MYO9B: variants seen among roughly 807,000 people sequenced by gnomAD.
The protein encoded by MYO9B is myosin IXB, also known as unconventional myosin-IXb.
A neutral mutation model predicts 229.5 loss-of-function variants in MYO9B; 71 were observed. The observed-to-expected ratio is 0.31, with a 90% CI of 0.26 to 0.38. The LOEUF is 0.38. Among genes scored for constraint, MYO9B ranks in the 10% least tolerant of loss-of-function variants. The pLI, the probability that MYO9B is intolerant of heterozygous loss-of-function variation, is 1.00. For missense variants in MYO9B, 2,255 were observed against 2,920.5 expected, an observed-to-expected ratio of 0.77 and a Z score of 5.25; for synonymous variants, 1,185 against 1,235.8, an observed-to-expected ratio of 0.96 and a Z score of 0.86.
chr19:17,098,048 C>G (rs1008800991), intron 1 of MYO9B, among the ~76,000 whole-genome samples: 5 of 12,902 alleles, frequency 3.9e-4, no homozygotes, highest in East Asian at 2.3e-3. Context: ...CTTCAGAACC[C>G]CCCCCCCCCA....
In MYO9B at chr19:17,121,052, C is replaced by T. The variant is rs536214746; in HGVS notation, c.840+18495C>T. On this transcript the variant is annotated intron_variant, in intron 2 of 39. Transcript: ENST00000682292. ...CCACCTCCCGGACTCAAGCGATCCT[C>T]CCACCTTAGCCTCCCAAGTAGCTGG... Among the ~76,000 whole-genome samples the T allele has an allele frequency of 2.0e-5, 3 of 152,316 alleles. No homozygotes were observed. In the East Asian group the frequency reaches 5.8e-4, roughly 29 times the overall value.
intron 7 of MYO9B, among the ~76,000 whole-genome samples, chr19:17,158,279 A>C (rs2072558875): frequency 6.6e-6 from 1 of 152,148 alleles, no homozygotes; most frequent in South Asian, 2.1e-4. Flanking sequence ...TATTTAGAGA[A>C]AGCCCCTGCC....
intron 16 of MYO9B, 26 bp downstream of exon 16, chr19:17,183,894 G>T: frequency 6.5e-7 from 1 of 1,548,848 alleles, no homozygotes; most frequent in Non-Finnish European, 8.7e-7. Context: ...CACCCCGCGC[G>T]ACACGTTCCA....
intron 1 of MYO9B, 89 bp downstream of exon 1, chr19:17,075,963 T>C (rs2057477586): frequency 6.9e-6 from 1 of 144,286 alleles, no homozygotes; most frequent in Admixed American, 6.8e-5. Context: ...TGAGGGCTGA[T>C]GGGGGACGCG....
At chr19:17,203,026 C>A in intron 29 of MYO9B, 121 bp from the exon 30 acceptor site, 1 of 1,353,670 alleles carries the variant, frequency 7.4e-7, no homozygotes, top group Non-Finnish European at 1.0e-6. Context: ...TTTCCCCCGG[C>A]ATATACGGAG....
intron 34 of MYO9B, 108 bp from the exon 35 acceptor site, chr19:17,207,005 C>A: frequency 2.1e-6 from 3 of 1,445,308 alleles, no homozygotes; most frequent in Non-Finnish European, 2.8e-6. Context: ...TGGGCTGTGG[C>A]ACTGCTTTCC....
At position 17,156,895 on chromosome 19, in the gene MYO9B, C is replaced by T. The variant is rs745352563; in HGVS notation, c.1200-14C>T. 54 of 1,609,816 alleles carry T rather than the reference C, an allele frequency of 3.4e-5. No homozygotes were observed. Among genetic ancestry groups the T allele is most frequent in the Non-Finnish European group, 4.5e-5 (53 of 1,178,372 alleles). On this transcript the variant is annotated splice_polypyrimidine_tract_variant and intron_variant, in intron 6 of 39. Coordinates refer to ENST00000682292, the MANE Select transcript of MYO9B (RefSeq NM_004145.4). The stretch of plus-strand genomic sequence containing the variant: ...GTAGAAACTACCCAAATATGAGTGC[C>T]TTTTCTTTCCCAGGATTTTTGCCGT...
At chr19:17,149,804 T>C (rs2072457006) in intron 3 of MYO9B, among the ~76,000 whole-genome samples, 1 of 152,208 alleles carries the variant, frequency 6.6e-6, no homozygotes, top group Non-Finnish European at 1.5e-5. Flanking sequence ...ACCCCTTTTT[T>C]AGGCCCAGGC....
In MYO9B at chr19:17,176,316, G is replaced by A. The variant is rs188784545; in HGVS notation, c.2219+575G>A. Among the ~76,000 whole-genome samples the A allele has an allele frequency of 6.6e-3, 1,002 of 152,186 alleles. 7 individuals are homozygous for A. Among genetic ancestry groups the A allele is most frequent in the African/African-American group, 0.022 (916 of 41,474 alleles). The stretch of plus-strand genomic sequence containing the variant: ...CTCCCAAAGTGCTGGGATTACAGGC[G>A]TGAGCCACTGCACCCTGCCTAATTT... On this transcript the variant is annotated intron_variant, in intron 14 of 39. Coordinates refer to ENST00000682292, the MANE Select transcript of MYO9B (RefSeq NM_004145.4).
chr19:17,165,830 A>G (rs2145330683), intron 10 of MYO9B, among the ~76,000 whole-genome samples: 1 of 152,326 alleles, frequency 6.6e-6, no homozygotes, highest in South Asian at 2.1e-4. Context: ...GCTCTGGAAC[A>G]GGGGCCAGCA....
At chr19:17,094,957 G>C (rs1377263649) in intron 1 of MYO9B, among the ~76,000 whole-genome samples, 1 of 151,966 alleles carries the variant, frequency 6.6e-6, no homozygotes, top group Non-Finnish European at 1.5e-5. Flanking sequence ...ATAAAAATTT[G>C]GCCAGGCGCA....
intron 2 of MYO9B, among the ~76,000 whole-genome samples, chr19:17,104,475 A>G (rs1008753584): frequency 1.3e-5 from 2 of 152,198 alleles, no homozygotes; most frequent in Admixed American, 6.5e-5. Context: ...ATTGTAGGAC[A>G]AGGTGCATCC....
chr19:17,127,714 G>A (rs73928484), intron 2 of MYO9B, among the ~76,000 whole-genome samples: 5,037 of 152,304 alleles, frequency 0.033, 278 homozygotes, highest in African/African-American at 0.11. Flanking sequence ...GCAGACCCCC[G>A]GTAGAGATCA....
At chr19:17,201,020 C>G (rs372251993) in intron 26 of MYO9B, among the ~76,000 whole-genome samples, 191 bp downstream of exon 26, 5 of 152,218 alleles carry the variant, frequency 3.3e-5, no homozygotes, top group African/African-American at 7.2e-5. Context: ...AGGAGAATCA[C>G]TTGGGCCCAG....
Position 17,191,165 on chromosome 19 carries a change from C to T in MYO9B, c.2757C>T (p.Thr919=). 4 of 1,612,512 alleles carry T rather than the reference C, an allele frequency of 2.5e-6. No individual in the cohort carries two copies. In the South Asian group the frequency reaches 3.3e-5, roughly 13 times the overall value. Residue 919 remains threonine (T), a synonymous_variant, in exon 20 of 40, where the codon ACC becomes ACT. Transcript: ENST00000682292. Reference sequence around the variant, plus strand: ...AGCCCTGCAGGGAGGTCATCTCCACCCTCCTGGAGAAAATGAAGATAGACA... The same window carrying T: ...AGCCCTGCAGGGAGGTCATCTCCACTCTCCTGGAGAAAATGAAGATAGACA... ...DAQPCREVIS[T]LLEKMKIDKR...
At chr19:17,122,288 C>T (rs922768193) in intron 2 of MYO9B, among the ~76,000 whole-genome samples, 3 of 152,180 alleles carry the variant, frequency 2.0e-5, no homozygotes, top group Non-Finnish European at 2.9e-5. Flanking sequence ...CCTGTAATCC[C>T]AGCACTTTGG....
intron 13 of MYO9B, among the ~76,000 whole-genome samples, chr19:17,173,292 CTTT>C (rs748043333): frequency 1.3e-4 from 11 of 83,812 alleles, no homozygotes; most frequent in Non-Finnish European, 4.5e-5. Flanking sequence ...CTGTCTTGCT[CTTT>C]TTTTTTTTTT....
intron 3 of MYO9B, among the ~76,000 whole-genome samples, chr19:17,146,756 T>C (rs1400964192): frequency 1.3e-5 from 2 of 152,046 alleles, no homozygotes; most frequent in East Asian, 1.9e-4. Flanking sequence ...CATGGATCCA[T>C]TGATGGGTGG....
In MYO9B at chr19:17,211,695, CGAG is replaced by C; in HGVS notation, c.5983_5985del (p.Glu1995del). ...CGGAGCTGGACCCAAGGGGCTCGGA[CGAG>C]GAGAACCTGGACTCGGAGACGTCGG... is the stretch of plus-strand genomic sequence containing the variant. On this transcript the variant is annotated inframe_deletion, in exon 39 of 40. Coordinates refer to ENST00000682292, the MANE Select transcript of MYO9B (RefSeq NM_004145.4). 1.9e-6 allele frequency: 3 copies of C among 1,612,232 alleles called. No homozygotes were observed. Among genetic ancestry groups the C allele is most frequent in the Non-Finnish European group, 2.5e-6 (3 of 1,179,514 alleles).
Sources: gnomAD v4.1 joint callset for allele counts (sites outside exome capture counted in the v4.1 genomes callset) on GRCh38, gnomAD v4.1.1 for gene constraint, MANE v1.5 for transcripts, NCBI Gene and HGNC (gene_info 2026-07-23, HGNC 2026-07-21) for gene names.